MAS1: variants seen among roughly 807,000 people sequenced by gnomAD.
MAS1 encodes the protein MAS1 proto-oncogene, G protein-coupled receptor.
For synonymous variants in MAS1, 163 were observed against 164.2 expected (o/e 0.99, Z 0.05); for missense variants, 387 against 409.7 (o/e 0.94, Z 0.48).
At position 159,907,447 on chromosome 6, in the gene MAS1, C is replaced by A. The variant is rs747032500; in HGVS notation, c.492C>A (p.Thr164=). 6.2e-7 allele frequency: 1 copy of A among 1,614,020 alleles called. No individual in the cohort carries two copies. Among genetic ancestry groups the A allele is most frequent in the Non-Finnish European group, 8.5e-7 (1 of 1,180,022 alleles). Residue 164 remains threonine (T), a synonymous_variant, in exon 3 of 3, where the codon ACC becomes ACA. Transcript: ENST00000674077. ...ALLWALSCLV[T]TMEYVMCIDR... ...TGTGGGCTCTTTCTTGCTTGGTGAC[C>A]ACCATGGAGTATGTCATGTGCATCG...
chr6:159,891,748 G>A (rs995634673), intron 1 of MAS1, among the ~76,000 whole-genome samples: 5 of 152,128 alleles, frequency 3.3e-5, no homozygotes, highest in South Asian at 2.1e-4. Context: ...TGGTATGAGC[G>A]TCTTAGCAAC....
chr6:159,899,044 A>G (rs1426489858), intron 1 of MAS1, 142 bp from the exon 2 acceptor site: 1 of 152,158 alleles, frequency 6.6e-6, no homozygotes. Context: ...TTTCCCTCTA[A>G]AAAGGGGGCA....
chr6:159,894,367 G>A (rs1196809146), intron 1 of MAS1, among the ~76,000 whole-genome samples: 4 of 149,738 alleles, frequency 2.7e-5, no homozygotes, highest in African/African-American at 9.9e-5. Flanking sequence ...TGAATTGAGT[G>A]GAGATGGCAC....
At chr6:159,888,878 C>T (rs1242472365), upstream of MAS1, among the ~76,000 whole-genome samples, 2 of 152,170 alleles carry the variant, frequency 1.3e-5, no homozygotes, top group Admixed American at 6.5e-5. Context: ...AAATAGCCAA[C>T]CTATTTGTGG....
chr6:159,906,279 G>A (rs960426555), intron 2 of MAS1, among the ~76,000 whole-genome samples: 1 of 152,168 alleles, frequency 6.6e-6, no homozygotes, highest in Middle Eastern at 3.2e-3. Flanking sequence ...TGGCTTGCCT[G>A]GCTTACGTAG....
At chr6:159,898,519 CCTT>C (rs1344026132) in intron 1 of MAS1, among the ~76,000 whole-genome samples, 1 of 135,836 alleles carries the variant, frequency 7.4e-6, no homozygotes, top group Non-Finnish European at 1.6e-5. Flanking sequence ...TCCTCCTCCT[CCTT>C]CTTCCTCCTC....
Position 159,913,177 on chromosome 6 carries a change from A to G in MAS1, c.*5244A>G, listed in dbSNP as rs1165835143. The stretch of plus-strand genomic sequence containing the variant: ...CAGGAGTTTGAGACCAGCCTGGCCA[A>G]CATGGTGAAACCCCATCTCTGCTGA... On this transcript the variant is annotated 3_prime_UTR_variant, in exon 3 of 3. Coordinates refer to ENST00000674077, the MANE Select transcript of MAS1 (RefSeq NM_002377.4). 1 of 152,208 alleles carries G rather than the reference A, an allele frequency of 6.6e-6. No individual in the cohort carries two copies. The highest frequency in any genetic ancestry group is 1.9e-4 in the East Asian group (1 of 5,190). The allele number at this position is 152,208 out of a possible 1,614,324, so 9.4% of individuals were successfully genotyped here. A position where few individuals can be genotyped will look rare whatever the true frequency, so the allele number is the denominator to read the frequency against.
At chr6:159,895,450 TATAAAATA>T (rs1448935067) in intron 1 of MAS1, among the ~76,000 whole-genome samples, 5 of 152,344 alleles carry the variant, frequency 3.3e-5, no homozygotes, top group Non-Finnish European at 7.3e-5. Flanking sequence ...TCATGTCTTT[TATAAAATA>T]CTCCAGTTGC....
chr6:159,913,261 G>T lies in MAS1; in HGVS notation c.*5328G>T, dbSNP rs1246539090. 6.6e-6 allele frequency: 1 copy of T among 152,384 alleles called. No homozygotes were observed. The highest frequency in any genetic ancestry group is 2.4e-5 in the African/African-American group (1 of 41,454). 9.4% of individuals were successfully genotyped at this position (152,384 alleles called of 1,614,324 possible). On this transcript the variant is annotated 3_prime_UTR_variant, in exon 3 of 3. Coordinates refer to ENST00000674077, the MANE Select transcript of MAS1 (RefSeq NM_002377.4). The stretch of plus-strand genomic sequence containing the variant: ...ACCTGTAATCCCAGCTACTTGGGAG[G>T]CTGAGGCAGGAGAATTGCTTGAACC...
chr6:159,897,682 T>C (rs1370259106), intron 1 of MAS1, among the ~76,000 whole-genome samples: 3 of 152,180 alleles, frequency 2.0e-5, no homozygotes, highest in Non-Finnish European at 4.4e-5. Flanking sequence ...AGAAGCAAGA[T>C]GGAATCAGTT....
chr6:159,903,385 C>T (rs963618538), intron 2 of MAS1, among the ~76,000 whole-genome samples: 5 of 152,146 alleles, frequency 3.3e-5, no homozygotes, highest in African/African-American at 7.2e-5. Context: ...TGAACTAAGC[C>T]GTAGAGAAGC....
chr6:159,890,568 G>A (rs190056275), upstream of MAS1, among the ~76,000 whole-genome samples: 9 of 152,276 alleles, frequency 5.9e-5, no homozygotes, highest in African/African-American at 4.8e-5. Context: ...TGTGTCTCCC[G>A]TATGTCTCTC....
chr6:159,907,121 T>C lies in MAS1; in HGVS notation c.166T>C (p.Phe56Leu). ...TGTTGAGAATGGGATTCTCCTCTGG[T>C]TCCTGTGCTTCCGGATGAGAAGAAA... is the stretch of plus-strand genomic sequence containing the variant. ...GFVENGILLW[F>L]LCFRMRRNPF... The change falls in exon 3 of 3, where the codon TTC (phenylalanine) becomes CTC (leucine). Residue 56 changes from phenylalanine to leucine, a missense_variant. Phe to Leu is a conservative substitution (Grantham distance 22). Transcript: ENST00000674077. 1.2e-6 allele frequency: 2 copies of C among 1,614,220 alleles called. No individual in the cohort carries two copies. Among genetic ancestry groups the C allele is most frequent in the South Asian group, 1.1e-5 (1 of 91,086 alleles).
intron 1 of MAS1, among the ~76,000 whole-genome samples, chr6:159,896,365 C>T (rs1782753981): frequency 6.6e-6 from 1 of 152,086 alleles, no homozygotes; most frequent in South Asian, 2.1e-4. Flanking sequence ...TGAAGTCATA[C>T]TTTTAGAGTA....
rs1782927914 is a variant in MAS1 at position 159,908,562 on chromosome 6, A to C, written c.*629A>C. On this transcript the variant is annotated 3_prime_UTR_variant, in exon 3 of 3. Transcript: ENST00000674077. ...ACACACACAGCTCTATCATGTACAG[A>C]AGTTATTATGTGTTTTTACATGTTG... 6.6e-6 allele frequency: 1 copy of C among 151,102 alleles called. No individual in the cohort carries two copies. The highest frequency in any genetic ancestry group is 1.5e-5 in the Non-Finnish European group (1 of 67,890). The allele number at this position is 151,102 out of a possible 1,614,324, so 9.4% of individuals were successfully genotyped here.
In MAS1 at chr6:159,917,302, T is replaced by C. The variant is rs534249510; in HGVS notation, c.*9369T>C. Reference sequence around the variant, plus strand: ...GATTTAAAAAACGAGAGATTTTCTGTAGTAAGTACATTGCCTGTAAATAGA... The same window carrying C: ...GATTTAAAAAACGAGAGATTTTCTGCAGTAAGTACATTGCCTGTAAATAGA... On this transcript the variant is annotated 3_prime_UTR_variant, in exon 3 of 3. Coordinates refer to ENST00000674077, the MANE Select transcript of MAS1 (RefSeq NM_002377.4). Among the ~76,000 whole-genome samples, 28 of 152,354 alleles carry C rather than the reference T, an allele frequency of 1.8e-4. 1 individual carries two copies. In the South Asian group the frequency reaches 5.4e-3, roughly 29 times the overall value.
chr6:159,898,676 C>T (rs1473895513), intron 1 of MAS1, among the ~76,000 whole-genome samples: 359 of 10,444 alleles, frequency 0.034, no homozygotes, highest in South Asian at 0.051. Flanking sequence ...CTTCCTCTTC[C>T]TCCTCCTCCC....
In MAS1 at chr6:159,907,887, G is replaced by C. The variant is rs140222197; in HGVS notation, c.932G>C (p.Arg311Pro). Residue 311 changes from arginine (R) to proline (P), a missense_variant, in exon 3 of 3, where the codon CGC (arginine) becomes CCC (proline). Physicochemically the swap from Arg to Pro is moderately radical, Grantham distance 103 (BLOSUM62 -2). Transcript: ENST00000674077. ...TTCAAAGATGAAATGCAACCTCGGCGCCAGAAAGACAATTGTAATACGGTC... is the reference window on the plus strand; with the variant it reads ...TTCAAAGATGAAATGCAACCTCGGCCCCAGAAAGACAATTGTAATACGGTC... ...RAFKDEMQPRRQKDNCNTVTV... is the reference protein window; with the variant it reads ...RAFKDEMQPRPQKDNCNTVTV... 1.9e-6 allele frequency: 3 copies of C among 1,609,636 alleles called. No homozygotes were observed. The highest frequency in any genetic ancestry group is 2.5e-6 in the Non-Finnish European group (3 of 1,179,050).
In MAS1 at chr6:159,914,416, G is replaced by T. The variant is rs1195676181; in HGVS notation, c.*6483G>T. The T allele has an allele frequency of 6.6e-6, 1 of 152,036 alleles. No homozygotes were observed. The highest frequency in any genetic ancestry group is 1.5e-5 in the Non-Finnish European group (1 of 68,006). 9.4% of individuals were successfully genotyped at this position (152,036 alleles called of 1,614,324 possible). On this transcript the variant is annotated 3_prime_UTR_variant, in exon 3 of 3. Coordinates refer to ENST00000674077, the MANE Select transcript of MAS1 (RefSeq NM_002377.4). ...ATTGGAACTTAAACTCTGGTCTGTT[G>T]TTTCTTCCTGTTCTGAGTGAGACTT...
Sources: allele counts gnomAD v4.1 joint callset (sites outside exome capture counted in the v4.1 genomes callset), GRCh38; gene constraint gnomAD v4.1.1; transcripts MANE v1.5; gene names NCBI Gene and HGNC (gene_info 2026-07-23, HGNC 2026-07-21).